Variants in MED12L observed in about 807,000 individuals in gnomAD.
MED12L encodes the protein mediator of RNA polymerase II transcription subunit 12-like protein.
Under a neutral mutation model 281.3 loss-of-function variants are expected in MED12L, and 60 were observed. That is an observed-to-expected ratio of 0.21 (90% CI 0.17 to 0.26). The LOEUF (loss-of-function observed/expected upper bound fraction) is 0.26, where lower values mean the gene tolerates loss of function less well. MED12L is among the 10% of genes least tolerant of loss of function. MED12L has a pLI of 1.00. For missense variants in MED12L, 2,146 were observed against 2,680.9 expected, an observed-to-expected ratio of 0.80 and a Z score of 4.41; for synonymous variants, 974 against 987.2, an observed-to-expected ratio of 0.99 and a Z score of 0.25.
At chr3:151,336,111 A>G (rs577318340) in intron 16 of MED12L, among the ~76,000 whole-genome samples, 1 of 152,306 alleles carries the variant, frequency 6.6e-6, no homozygotes, top group African/African-American at 2.4e-5. Context: ...CAAAAGAAGA[A>G]GGTTAGATTA....
intron 2 of MED12L, among the ~76,000 whole-genome samples, chr3:151,114,080 G>C (rs891736623): frequency 6.6e-6 from 1 of 152,196 alleles, no homozygotes; most frequent in Non-Finnish European, 1.5e-5. Flanking sequence ...CTTAGACTCA[G>C]AGACTACTGA....
At chr3:151,297,076 C>T (rs1272595943) in intron 16 of MED12L, among the ~76,000 whole-genome samples, 3 of 152,180 alleles carry the variant, frequency 2.0e-5, no homozygotes, top group Non-Finnish European at 4.4e-5. Flanking sequence ...GTTTCCCTGA[C>T]CTAACTATCC....
At position 151,394,482 on chromosome 3, in the gene MED12L, G is replaced by A. The variant is rs370603277; in HGVS notation, c.5609-174G>A. Among the ~76,000 whole-genome samples, 5 of 152,284 alleles carry A rather than the reference G, an allele frequency of 3.3e-5. No homozygotes were observed. In the South Asian group the frequency reaches 8.3e-4, roughly 25 times the overall value. ...TTCTACATCACTCCCCTCATCTTTT[G>A]TAAGTTATGCAACTCAACAGGTCTA... is the stretch of plus-strand genomic sequence containing the variant. On this transcript the variant is annotated intron_variant, in intron 38 of 44. Transcript: ENST00000687756.
At chr3:151,376,766 C>T (rs370241201) in intron 28 of MED12L, 34 bp from the exon 29 acceptor site, 9 of 1,525,860 alleles carry the variant, frequency 5.9e-6, no homozygotes, top group Non-Finnish European at 8.2e-6. Flanking sequence ...ACATTTGATA[C>T]CCATAATGTT....
At chr3:151,176,168 C>CA (rs1245322109) in intron 11 of MED12L, among the ~76,000 whole-genome samples, 1 of 152,170 alleles carries the variant, frequency 6.6e-6, no homozygotes, top group Non-Finnish European at 1.5e-5. Context: ...GAGTTGGACT[C>CA]AGATTTGACC....
At chr3:151,301,027 C>T (rs1745844566) in intron 16 of MED12L, among the ~76,000 whole-genome samples, 1 of 152,148 alleles carries the variant, frequency 6.6e-6, no homozygotes, top group African/African-American at 2.4e-5. Context: ...AGAGTTTAGA[C>T]AGTCTATCCA....
chr3:151,394,878 A>T lies in MED12L; in HGVS notation c.5820+11A>T, dbSNP rs1035623492. On this transcript the variant is annotated intron_variant, in intron 39 of 44. Coordinates refer to ENST00000687756, the MANE Select transcript of MED12L (RefSeq NM_001393769.1). ...CGGCCTTTCCAACAGGTTTGTCCAG[A>T]CCCCAGCAATGGAGTCCTTTGCATT... is the stretch of plus-strand genomic sequence containing the variant. The T allele has an allele frequency of 1.2e-6, 2 of 1,613,352 alleles. No individual in the cohort carries two copies. Among genetic ancestry groups the T allele is most frequent in the African/African-American group, 2.7e-5 (2 of 74,892 alleles).
chr3:151,090,622 G>A (rs1719903060), intron 2 of MED12L, among the ~76,000 whole-genome samples: 1 of 152,192 alleles, frequency 6.6e-6, no homozygotes, highest in Admixed American at 6.5e-5. Flanking sequence ...GGCTGTTGGG[G>A]AAAGTCAAGG....
intron 39 of MED12L, among the ~76,000 whole-genome samples, chr3:151,407,554 G>A (rs1342723595): frequency 6.6e-6 from 1 of 152,188 alleles, no homozygotes. Flanking sequence ...ATAGTGTTTG[G>A]AGGATCAAGA....
At chr3:151,424,553 G>A (rs563244291) in intron 43 of MED12L, among the ~76,000 whole-genome samples, 13 of 152,140 alleles carry the variant, frequency 8.5e-5, no homozygotes, top group Admixed American at 3.9e-4. Flanking sequence ...CCCGGGAGGC[G>A]GAGCTTGCAG....
chr3:151,193,970 T>G (rs546935766), intron 16 of MED12L, among the ~76,000 whole-genome samples: 3 of 148,836 alleles, frequency 2.0e-5, no homozygotes, highest in African/African-American at 7.3e-5. Context: ...CTTTTCTTTT[T>G]TTTTTTTTTT....
rs186694314 is a variant in MED12L at position 151,089,753 on chromosome 3, C to T, written c.99+2728C>T. Among the ~76,000 whole-genome samples the T allele has an allele frequency of 2.0e-5, 3 of 152,186 alleles. No individual in the cohort carries two copies. The East Asian group carries it at 5.8e-4, about 29-fold the overall frequency. ...TATATTTTTTTGAGAGCTTGCTGTGCATCAGCATCCTGTAGGACTTCATTA... is the reference window on the plus strand; with the variant it reads ...TATATTTTTTTGAGAGCTTGCTGTGTATCAGCATCCTGTAGGACTTCATTA... On this transcript the variant is annotated intron_variant, in intron 2 of 44. Coordinates refer to ENST00000687756, the MANE Select transcript of MED12L (RefSeq NM_001393769.1).
chr3:151,148,263 A>G lies in MED12L; in HGVS notation c.557-7898A>G, dbSNP rs147879507. Reference sequence around the variant, plus strand: ...TGTATTCTAGATCCAACTCCTTTATATATGATTTGAAATATTCTCTCCCAA... The same window carrying G: ...TGTATTCTAGATCCAACTCCTTTATGTATGATTTGAAATATTCTCTCCCAA... On this transcript the variant is annotated intron_variant, in intron 5 of 44. Coordinates refer to ENST00000687756, the MANE Select transcript of MED12L (RefSeq NM_001393769.1). Among the ~76,000 whole-genome samples the G allele has an allele frequency of 5.1e-4, 78 of 152,312 alleles. No individual in the cohort carries two copies. The East Asian group carries it at 0.014, about 27-fold the overall frequency.
intron 16 of MED12L, chr3:151,214,360 G>C (rs752455939): frequency 4.6e-6 from 7 of 1,537,690 alleles, no homozygotes; most frequent in South Asian, 2.4e-5. Flanking sequence ...GGTGTGAACT[G>C]GTCACTCATA....
intron 21 of MED12L, among the ~76,000 whole-genome samples, chr3:151,363,367 C>T (rs549491405): frequency 5.9e-5 from 9 of 152,154 alleles, no homozygotes; most frequent in South Asian, 4.1e-4. Flanking sequence ...TTATCTGAAC[C>T]ACCATTCATA....
chr3:151,377,357 T>C (rs1756970935), intron 30 of MED12L, among the ~76,000 whole-genome samples, 179 bp downstream of exon 30: 2 of 152,216 alleles, frequency 1.3e-5, no homozygotes, highest in South Asian at 4.1e-4. Context: ...AGCTTCGGAA[T>C]ATTTGATTGA....
At chr3:151,245,920 A>C (rs1340824737) in intron 16 of MED12L, among the ~76,000 whole-genome samples, 5 of 151,596 alleles carry the variant, frequency 3.3e-5, no homozygotes, top group Non-Finnish European at 7.4e-5. Context: ...ACTTCAGCAA[A>C]GTCTCAGGAT....
chr3:151,127,040 C>T (rs1714643954), intron 4 of MED12L, among the ~76,000 whole-genome samples: 1 of 152,096 alleles, frequency 6.6e-6, no homozygotes, highest in Admixed American at 6.6e-5. Flanking sequence ...GTTTTTCTTC[C>T]TTTATATTCA....
At chr3:151,309,043 CAAAT>C (rs1380086744) in intron 16 of MED12L, among the ~76,000 whole-genome samples, 3 of 151,812 alleles carry the variant, frequency 2.0e-5, no homozygotes, top group African/African-American at 7.3e-5. Context: ...CTCATGAATA[CAAAT>C]AAATAACCCA....
Sources: gnomAD v4.1 joint callset for allele counts (sites outside exome capture counted in the v4.1 genomes callset) on GRCh38, gnomAD v4.1.1 for gene constraint, MANE v1.5 for transcripts, NCBI Gene and HGNC (gene_info 2026-07-23, HGNC 2026-07-21) for gene names.